The following ABL1 variants were observed in gnomAD, a reference collection of about 807,000 sequenced individuals.
ABL1 encodes tyrosine-protein kinase ABL1.
Under a neutral mutation model 94.7 loss-of-function variants are expected in ABL1, and 11 were observed. The ratio of observed to expected loss-of-function variants is 0.12; its 90% CI spans 0.07 to 0.19. The LOEUF (loss-of-function observed/expected upper bound fraction) is 0.19. Among genes scored for constraint, ABL1 ranks in the 10% least tolerant of loss-of-function variants. The pLI, the probability that ABL1 is intolerant of heterozygous loss-of-function variation, is 1.00. For missense variants in ABL1, 1,082 were observed against 1,489.4 expected, an observed-to-expected ratio of 0.73 and a Z score of 4.50; for synonymous variants, 656 against 622.4, an observed-to-expected ratio of 1.05 and a Z score of -0.80.
intron 1 of ABL1, among the ~76,000 whole-genome samples, chr9:130,754,682 G>GC (rs56359518): frequency 0.52 from 79,450 of 151,582 alleles, 22,487 homozygotes; most frequent in African/African-American, 0.74. Context: ...AATGGGGGGG[G>GC]CTTGGAAGCC....
chr9:130,775,070 A>T lies in ABL1; in HGVS notation c.136+60615A>T, dbSNP rs191079010. The stretch of plus-strand genomic sequence containing the variant: ...CTGTAGTTTGTGAAATTCCAAGAAG[A>T]GACATTATTTTAGAGAGATACTAGG... On this transcript the variant is annotated intron_variant, in intron 1 of 10. Transcript: ENST00000372348. Among the ~76,000 whole-genome samples the T allele has an allele frequency of 2.6e-3, 393 of 152,318 alleles. 3 individuals carry two copies. Among genetic ancestry groups the T allele is most frequent in the African/African-American group, 9.1e-3 (378 of 41,566 alleles).
At chr9:130,845,784 G>A (rs1046163423) in intron 1 of ABL1, among the ~76,000 whole-genome samples, 1 of 151,884 alleles carries the variant, frequency 6.6e-6, no homozygotes, top group Non-Finnish European at 1.5e-5. Flanking sequence ...AGTCTTTTGA[G>A]GACTGTTCTC....
At chr9:130,883,814 T>G (rs35853598) in intron 10 of ABL1, among the ~76,000 whole-genome samples, 155 bp from the exon 11 acceptor site, 6 of 152,120 alleles carry the variant, frequency 3.9e-5, no homozygotes, top group African/African-American at 7.2e-5. Context: ...TTGACAATTT[T>G]TTTGTTTGTT....
intron 1 of ABL1, among the ~76,000 whole-genome samples, chr9:130,745,828 A>C (rs1391618154): frequency 1.3e-5 from 2 of 152,080 alleles, no homozygotes; most frequent in African/African-American, 4.8e-5. Context: ...AGTAGAATGT[A>C]CCCCTACCAA....
In ABL1 at chr9:130,862,849, G is replaced by A. The variant is rs766252798; in HGVS notation, c.636G>A (p.Thr212=). Residue 212 remains threonine (T), a synonymous_variant, in exon 4 of 11, where the codon ACG becomes ACA. Coordinates refer to ENST00000318560, the MANE Select transcript of ABL1 (RefSeq NM_005157.6). The surrounding 1 kb of genome is among the most constrained non-coding windows in gnomAD (Gnocchi z 5.5). The part of the protein sequence containing the change: ...HSTVADGLIT[T]LHYPAPKRNK... ...CGGTGGCCGACGGGCTCATCACCACGCTCCATTATCCAGCCCCAAAGCGCA... is the reference window on the plus strand; with the variant it reads ...CGGTGGCCGACGGGCTCATCACCACACTCCATTATCCAGCCCCAAAGCGCA... 6 of 1,613,798 alleles carry A rather than the reference G, an allele frequency of 3.7e-6. No individual in the cohort carries two copies. The African/African-American group carries it at 6.7e-5, about 18-fold the overall frequency.
chr9:130,803,779 A>T (rs1179204047), intron 1 of ABL1, among the ~76,000 whole-genome samples: 1 of 152,236 alleles, frequency 6.6e-6, no homozygotes, highest in Non-Finnish European at 1.5e-5. Context: ...TTTCCTAATT[A>T]GAAATTGTCC....
intron 7 of ABL1, among the ~76,000 whole-genome samples, chr9:130,876,163 T>G (rs1016319377): frequency 2.8e-5 from 4 of 142,944 alleles, no homozygotes; most frequent in South Asian, 4.4e-4. Flanking sequence ...TTTGTGGGGG[T>G]TTTTTTTTGA....
intron 1 of ABL1, among the ~76,000 whole-genome samples, chr9:130,769,329 C>CTTTTT (rs372838676): frequency 0.012 from 1,044 of 84,258 alleles, 59 homozygotes; most frequent in African/African-American, 0.029. Context: ...TGGCCCTAGT[C>CTTTTT]TTTTTTTTTT....
chr9:130,764,560 G>A (rs1049453495), intron 1 of ABL1, among the ~76,000 whole-genome samples: 1 of 152,118 alleles, frequency 6.6e-6, no homozygotes, highest in African/African-American at 2.4e-5. Context: ...TTTCTTTTTC[G>A]TGGTGGCACT....
chr9:130,734,380 AT>A (rs896136153), intron 1 of ABL1, among the ~76,000 whole-genome samples: 30 of 150,104 alleles, frequency 2.0e-4, no homozygotes, highest in Non-Finnish European at 8.9e-5. Context: ...TGCCTGGCTA[AT>A]TTTTTTTGCA....
At chr9:130,854,695 G>T in intron 2 of ABL1, 106 bp from the exon 3 acceptor site, 1 of 1,149,438 alleles carries the variant, frequency 8.7e-7, no homozygotes, top group Non-Finnish European at 1.2e-6. Flanking sequence ...AAATGAAATT[G>T]GTATTTAGGA....
chr9:130,877,964 C>T (rs1025765993), intron 7 of ABL1, among the ~76,000 whole-genome samples: 1 of 149,934 alleles, frequency 6.7e-6, no homozygotes, highest in Non-Finnish European at 1.5e-5. Flanking sequence ...AGGCATCTAC[C>T]ACCACGCCCG....
At chr9:130,823,762 A>G (rs1320778119) in intron 1 of ABL1, among the ~76,000 whole-genome samples, 1 of 152,182 alleles carries the variant, frequency 6.6e-6, no homozygotes, top group Non-Finnish European at 1.5e-5. Context: ...AGACTGGGAA[A>G]TGGAGTCTTT....
At position 130,835,292 on chromosome 9, in the gene ABL1, C is replaced by T. The variant is rs1390550198; in HGVS notation, c.-155C>T. ...TCCCGGCCAGGCGGAGACGCGGCCG[C>T]GGCCATGGGCGGGCGCGGGCGCGCG... is the stretch of plus-strand genomic sequence containing the variant. On this transcript the variant is annotated 5_prime_UTR_variant, in exon 1 of 11. Coordinates refer to ENST00000318560, the MANE Select transcript of ABL1 (RefSeq NM_005157.6). The surrounding 1 kb of genome is among the most constrained non-coding windows in gnomAD (Gnocchi z 4.6). The T allele has an allele frequency of 1.3e-5, 2 of 152,750 alleles. No homozygotes were observed. The highest frequency in any genetic ancestry group is 5.2e-5 in the African/African-American group (2 of 38,178). The allele number at this position is 152,750 out of a possible 1,614,324, so 9.5% of individuals were successfully genotyped here.
intron 1 of ABL1, among the ~76,000 whole-genome samples, chr9:130,723,898 G>A (rs369807167): frequency 3.5e-4 from 53 of 150,916 alleles, no homozygotes; most frequent in African/African-American, 1.1e-3. Flanking sequence ...TGCAAGTTCC[G>A]CCTCCTGGGT....
In ABL1 at chr9:130,814,548, T is replaced by C. The variant is rs1453407937; in HGVS notation, c.137-39516T>C. The stretch of plus-strand genomic sequence containing the variant: ...TGATCAGCAATCTAGAAGAAACAGA[T>C]TCCTTGAATGACACAAACTACCAAA... On this transcript the variant is annotated intron_variant, in intron 1 of 10. Transcript: ENST00000372348. This position sits in a 1 kb window ranked among gnomAD's most constrained non-coding sequence, Gnocchi z 4.4. Among the ~76,000 whole-genome samples the C allele has an allele frequency of 6.6e-6, 1 of 152,132 alleles. No homozygotes were observed. Among genetic ancestry groups the C allele is most frequent in the Non-Finnish European group, 1.5e-5 (1 of 68,030 alleles).
intron 1 of ABL1, among the ~76,000 whole-genome samples, chr9:130,761,788 A>G (rs1346405884): frequency 6.6e-6 from 1 of 152,154 alleles, no homozygotes; most frequent in African/African-American, 2.4e-5. Context: ...CTTTTATTTG[A>G]CAAATGAAAG....
At chr9:130,773,864 T>C (rs987335187) in intron 1 of ABL1, among the ~76,000 whole-genome samples, 8 of 152,148 alleles carry the variant, frequency 5.3e-5, no homozygotes, top group Admixed American at 2.0e-4. Context: ...TATATGTATA[T>C]GCCCACAAAA....
chr9:130,880,434 C>G lies in ABL1; in HGVS notation c.1514-66C>G. 1.3e-6 allele frequency: 2 copies of G among 1,573,630 alleles called. No individual in the cohort carries two copies. The highest frequency in any genetic ancestry group is 1.7e-6 in the Non-Finnish European group (2 of 1,153,270). ...TTACCTTACAAAGAAAGAGAACCAC[C>G]ACACCAAGCCAACACCAGTACTGAT... On this transcript the variant is annotated intron_variant, in intron 9 of 10. Transcript: ENST00000318560. This position sits in a 1 kb window ranked among gnomAD's most constrained non-coding sequence, Gnocchi z 4.4.
Sources: allele counts gnomAD v4.1 joint callset (sites outside exome capture counted in the v4.1 genomes callset), GRCh38; gene constraint gnomAD v4.1.1; non-coding constraint Gnocchi (gnomAD v3.1); transcripts MANE v1.5; gene names NCBI Gene and HGNC (gene_info 2026-07-23, HGNC 2026-07-21).